The following FLACC1 variants were observed in gnomAD, a reference collection of about 807,000 sequenced individuals.
FLACC1 encodes flagellum-associated coiled-coil domain-containing protein 1.
Under a neutral mutation model 62.8 loss-of-function variants are expected in FLACC1, and 66 were observed. The ratio of observed to expected loss-of-function variants is 1.05; its 90% confidence interval spans 0.86 to 1.29. The LOEUF is 1.29. Among genes scored for constraint, FLACC1 ranks in the 50% most tolerant of loss-of-function variants. The probability of loss-of-function intolerance (pLI) is 0.00; values close to 1 mark genes in which losing one functional copy is unlikely to be tolerated. For missense variants in FLACC1, 452 were observed against 489.1 expected, an observed-to-expected ratio of 0.92 and a Z score of 0.71; for synonymous variants, 156 against 161.0, an observed-to-expected ratio of 0.97 and a Z score of 0.24.
intron 9 of FLACC1, among the ~76,000 whole-genome samples, chr2:201,323,915 C>T (rs1380325369): frequency 2.7e-5 from 4 of 150,032 alleles, no homozygotes; most frequent in Non-Finnish European, 5.9e-5. Flanking sequence ...AAGCTTAAAA[C>T]TCATGAAGTC....
chr2:201,348,285 G>A lies in FLACC1; in HGVS notation c.203C>T (p.Ala68Val). ...TGATTTATTAGTCTCTTCTTGCCTT[G>A]CTGAATGGATTTTCATTCTGCAAGA... ...VVSPKMKIHS[A>V]RQEETNKSFY... Residue 68 changes from alanine to valine, a missense_variant, in exon 4 of 15, where the codon GCA (alanine) becomes GTA (valine). Ala to Val is a moderately conservative substitution (Grantham distance 64). This residue lies in a region of FLACC1 where 147 missense variants were observed against 152.7 expected (regional missense o/e 0.96). Coordinates refer to ENST00000392257, the MANE Select transcript of FLACC1 (RefSeq NM_001127391.3). 2 of 1,612,588 alleles carry A rather than the reference G, an allele frequency of 1.2e-6. No homozygotes were observed. Among genetic ancestry groups the A allele is most frequent in the South Asian group, 2.2e-5 (2 of 90,916 alleles).
upstream of FLACC1, among the ~76,000 whole-genome samples, chr2:201,358,680 G>T (rs2110687): frequency 0.4 from 60,862 of 150,598 alleles, 13,090 homozygotes; most frequent in South Asian, 0.53. Flanking sequence ...GCCTCCCAAA[G>T]TGCTGGGATT....
chr2:201,298,927 T>C (rs1041852998), intron 12 of FLACC1, among the ~76,000 whole-genome samples: 21 of 152,242 alleles, frequency 1.4e-4, no homozygotes, highest in African/African-American at 4.1e-4. Context: ...AAGAACTTGG[T>C]GTTTTATAAC....
At chr2:201,328,642 T>A (rs961832066) in intron 9 of FLACC1, among the ~76,000 whole-genome samples, 3 of 152,198 alleles carry the variant, frequency 2.0e-5, no homozygotes, top group African/African-American at 7.2e-5. Flanking sequence ...GCCAGGCTGG[T>A]CTCAAAATCC....
intron 9 of FLACC1, among the ~76,000 whole-genome samples, chr2:201,324,470 G>GA (rs1215133748): frequency 2.0e-5 from 3 of 152,054 alleles, no homozygotes; most frequent in Non-Finnish European, 4.4e-5. Context: ...GGCCAACAGA[G>GA]AAAAAATGGA....
chr2:201,294,569 T>G (rs1243210195), intron 12 of FLACC1, among the ~76,000 whole-genome samples: 2 of 152,190 alleles, frequency 1.3e-5, no homozygotes, highest in Non-Finnish European at 2.9e-5. Context: ...AATATCATAC[T>G]GAATGGGCAA....
intron 9 of FLACC1, among the ~76,000 whole-genome samples, chr2:201,315,075 C>T (rs1166377758): frequency 6.6e-6 from 1 of 152,046 alleles, no homozygotes; most frequent in Non-Finnish European, 1.5e-5. Flanking sequence ...CACATCAAAA[C>T]AGAACCTCTT....
At chr2:201,330,868 T>A in intron 7 of FLACC1, 35 bp from the exon 8 acceptor site, 1 of 1,574,794 alleles carries the variant, frequency 6.4e-7, no homozygotes, top group Non-Finnish European at 8.7e-7. Flanking sequence ...CAATCATTAG[T>A]AAAAAGAAGT....
At chr2:201,309,083 C>G in intron 10 of FLACC1, 68 bp downstream of exon 10, 1 of 1,405,774 alleles carries the variant, frequency 7.1e-7, no homozygotes, top group Non-Finnish European at 1.0e-6. Context: ...TTCCTCAAGT[C>G]AAGACCAAAC....
intron 5 of FLACC1, among the ~76,000 whole-genome samples, chr2:201,344,676 G>A (rs554023268): frequency 2.0e-5 from 3 of 152,334 alleles, no homozygotes; most frequent in South Asian, 4.1e-4. Context: ...CCACAGACAA[G>A]GATTGGGCCA....
chr2:201,295,757 A>T (rs1949846028), intron 12 of FLACC1, among the ~76,000 whole-genome samples: 1 of 152,140 alleles, frequency 6.6e-6, no homozygotes, highest in South Asian at 2.1e-4. Context: ...TTTGCAACCT[A>T]CTCATCTGAC....
intron 8 of FLACC1, 90 bp from the exon 9 acceptor site, chr2:201,330,612 C>T (rs1950574292): frequency 6.6e-7 from 1 of 1,525,958 alleles, no homozygotes; most frequent in Non-Finnish European, 9.0e-7. Flanking sequence ...ACACCTTCCC[C>T]ACCCCAAACT....
chr2:201,289,647 G>C, intron 13 of FLACC1, 49 bp downstream of exon 13: 4 of 1,611,322 alleles, frequency 2.5e-6, no homozygotes, highest in Non-Finnish European at 3.4e-6. Context: ...GCTGGATGGA[G>C]ACCTGGGTTC....
At chr2:201,307,749 G>A in intron 10 of FLACC1, 127 bp from the exon 11 acceptor site, 1 of 732,278 alleles carries the variant, frequency 1.4e-6, no homozygotes, top group South Asian at 1.6e-5. Context: ...TTGCAGCCTG[G>A]TGTTTGGCCT....
intron 9 of FLACC1, among the ~76,000 whole-genome samples, chr2:201,320,940 A>T (rs1398962736): frequency 1.3e-5 from 2 of 152,214 alleles, no homozygotes; most frequent in Non-Finnish European, 2.9e-5. Context: ...CCATTACAGC[A>T]TCTCCTGGTA....
At chr2:201,359,937 T>C (rs1289390788), upstream of FLACC1, among the ~76,000 whole-genome samples, 3 of 114,484 alleles carry the variant, frequency 2.6e-5, no homozygotes, top group African/African-American at 8.6e-5. Context: ...TCCTTTCTTA[T>C]GATTAAAAAA....
intron 9 of FLACC1, among the ~76,000 whole-genome samples, chr2:201,323,050 A>C (rs1180975172): frequency 6.6e-6 from 1 of 152,168 alleles, no homozygotes; most frequent in East Asian, 1.9e-4. Flanking sequence ...TAAAGAAAAA[A>C]GAATAAAAAG....
intron 9 of FLACC1, among the ~76,000 whole-genome samples, chr2:201,318,511 T>C (rs1950343379): frequency 6.6e-6 from 1 of 152,178 alleles, no homozygotes; most frequent in African/African-American, 2.4e-5. Flanking sequence ...ACATCACTAA[T>C]GATCAGGGAA....
Position 201,289,333 on chromosome 2 carries a change from G to A in FLACC1, c.1142+124C>T, listed in dbSNP as rs34401784. The A allele has an allele frequency of 4.1e-4, 349 of 861,550 alleles. 2 individuals are homozygous for A. The highest frequency in any genetic ancestry group is 2.2e-3 in the Middle Eastern group (9 of 4,154). 53.4% of individuals were successfully genotyped at this position (861,550 alleles called of 1,614,324 possible). A position where few individuals can be genotyped will look rare whatever the true frequency, so the allele number is the denominator to read the frequency against. ...GCCTAGAGTGACATACCTCCCTCCC[G>A]AAAACACCTGTGCCTTGACATAACT... On this transcript the variant is annotated intron_variant, in intron 14 of 14. Transcript: ENST00000392257.
Sources: allele counts gnomAD v4.1 joint callset (sites outside exome capture counted in the v4.1 genomes callset), GRCh38; gene constraint gnomAD v4.1.1; regional missense constraint gnomAD v4.1.1; transcripts MANE v1.5; gene names NCBI Gene and HGNC (gene_info 2026-07-23, HGNC 2026-07-21).